ARHGEF33: variants seen among roughly 807,000 people sequenced by gnomAD.
ARHGEF33 encodes DH and coiled-coil domain-containing protein ENSP00000381780.
Under a neutral mutation model 101.9 loss-of-function variants are expected in ARHGEF33, and 72 were observed. The ratio of observed to expected loss-of-function variants is 0.71; its 90% CI spans 0.58 to 0.86. The LOEUF is 0.86. Ranked by LOEUF, ARHGEF33 falls within the 40% of genes least tolerant of loss-of-function variation. The pLI, the probability that ARHGEF33 is intolerant of heterozygous loss-of-function variation, is 0.00. For missense variants in ARHGEF33, 1,169 were observed against 1,111.3 expected (o/e 1.05, Z -0.74); for synonymous variants, 499 against 442.5 (o/e 1.13, Z -1.60).
chr2:38,912,571 A>G (rs1251808953), intron 2 of ARHGEF33, among the ~76,000 whole-genome samples: 1 of 152,224 alleles, frequency 6.6e-6, no homozygotes, highest in East Asian at 1.9e-4. Flanking sequence ...AATATGAAGA[A>G]AAAGGACTCT....
intron 2 of ARHGEF33, among the ~76,000 whole-genome samples, chr2:38,917,697 C>A (rs1666667617): frequency 6.6e-6 from 1 of 151,880 alleles, no homozygotes; most frequent in Admixed American, 6.6e-5. Context: ...GGCATAGTGG[C>A]ATCCACCTGT....
intron 9 of ARHGEF33, among the ~76,000 whole-genome samples, chr2:38,941,793 C>A (rs1480904067): frequency 6.6e-6 from 1 of 152,132 alleles, no homozygotes; most frequent in African/African-American, 2.4e-5. Flanking sequence ...GATCCGCCCA[C>A]CCCGGCCTCC....
chr2:38,959,755 G>A (rs11691022), intron 15 of ARHGEF33, 86 bp from the exon 16 acceptor site: 61,956 of 1,372,968 alleles, frequency 0.045, 1,635 homozygotes, highest in Non-Finnish European at 0.054. Flanking sequence ...GCCTCGGAGC[G>A]CGGCCCCGAG....
At chr2:38,934,492 C>CCTCCCTCCCTCCCCCTTCT (rs1667081024) in intron 7 of ARHGEF33, among the ~76,000 whole-genome samples, 1 of 88,192 alleles carries the variant, frequency 1.1e-5, no homozygotes, top group African/African-American at 4.8e-5. Flanking sequence ...TCTCTCCCTC[C>CCTCCCTCCCTCCCCCTTCT]CTCCATCCCT....
chr2:38,961,197 C>T (rs531724467), intron 16 of ARHGEF33, among the ~76,000 whole-genome samples: 2 of 152,320 alleles, frequency 1.3e-5, no homozygotes, highest in South Asian at 2.1e-4. Context: ...AAGGTAGACT[C>T]GCTGCGCAAT....
chr2:38,944,937 C>T (rs534935192), intron 10 of ARHGEF33, among the ~76,000 whole-genome samples: 10 of 151,016 alleles, frequency 6.6e-5, no homozygotes, highest in African/African-American at 1.7e-4. Context: ...TGTAACAGCA[C>T]GCTTTCCCAA....
chr2:38,963,023 CA>C (rs34417172), intron 16 of ARHGEF33, among the ~76,000 whole-genome samples: 78,975 of 101,958 alleles, frequency 0.77, 29,192 homozygotes, highest in African/African-American at 0.84. Flanking sequence ...GACTCTGTCT[CA>C]AAAAAAAAAA....
chr2:38,945,515 C>T lies in ARHGEF33; in HGVS notation c.920+1485C>T, dbSNP rs553128877. On this transcript the variant is annotated intron_variant, in intron 10 of 17. Transcript: ENST00000409978. ...CTGCCTAGATTCTCAGCCATCCTTC[C>T]TTCCCTATCTGGCCCTTCCAGTTCC... Among the ~76,000 whole-genome samples the T allele has an allele frequency of 2.4e-4, 36 of 152,388 alleles. No individual in the cohort carries two copies. The Middle Eastern group carries it at 0.01, about 43-fold the overall frequency.
At chr2:38,956,021 A>G (rs1043611886) in intron 13 of ARHGEF33, among the ~76,000 whole-genome samples, 2 of 152,226 alleles carry the variant, frequency 1.3e-5, no homozygotes, top group Admixed American at 1.3e-4. Flanking sequence ...ATTTTCTCAC[A>G]ATAATGATCT....
chr2:38,895,489 C>A (rs557616207), intron 1 of ARHGEF33, among the ~76,000 whole-genome samples: 1 of 152,118 alleles, frequency 6.6e-6, no homozygotes, highest in African/African-American at 2.4e-5. Flanking sequence ...AGTTCTCGAG[C>A]TATGTTTTTA....
rs554200497 is a variant in ARHGEF33, at chr2:38,951,044, G to A, written c.976G>A (p.Ala326Thr). The change falls in exon 11 of 18, where the codon GCA (alanine) becomes ACA (threonine). Residue 326 changes from alanine to threonine, a missense_variant. Transcript: ENST00000409978. Reference protein sequence around the residue: ...LVQQHLDLLHALQERVLKWPR... With the variant: ...LVQQHLDLLHTLQERVLKWPR... ...CCAGCAGCACCTGGATCTGCTTCACGCACTGCAGGAAAGGGTCCTGAAGTG... is the reference window on the plus strand; with the variant it reads ...CCAGCAGCACCTGGATCTGCTTCACACACTGCAGGAAAGGGTCCTGAAGTG... The A allele has an allele frequency of 1.4e-5, 22 of 1,552,076 alleles. No homozygotes were observed. Among genetic ancestry groups the A allele is most frequent in the East Asian group, 2.4e-5 (1 of 40,914 alleles).
At chr2:38,911,341 A>G (rs538253563) in intron 2 of ARHGEF33, among the ~76,000 whole-genome samples, 1 of 152,174 alleles carries the variant, frequency 6.6e-6, no homozygotes, top group East Asian at 1.9e-4. Flanking sequence ...AGAAATGTGC[A>G]CTAAAGACCC....
intron 17 of ARHGEF33, chr2:38,971,774 G>A: frequency 2.8e-6 from 2 of 715,970 alleles, no homozygotes; most frequent in South Asian, 1.5e-5. Context: ...TGGAGACATA[G>A]GGAAGGTACA....
At position 38,960,005 on chromosome 2, in the gene ARHGEF33, C is replaced by CGCT. The variant is rs1558444013; in HGVS notation, c.1702_1704dup (p.Leu568dup). Reference sequence around the variant, plus strand: ...TGCGCGGCCGAGCAGGACGTGAAGGCGCTGGCCGGGCCCCTGCAGGCCATC... The same window carrying CGCT: ...TGCGCGGCCGAGCAGGACGTGAAGGCGCTGCTGGCCGGGCCCCTGCAGGCCATC... On this transcript the variant is annotated inframe_insertion, in exon 16 of 18. Transcript: ENST00000409978. The CGCT allele has an allele frequency of 6.5e-7, 1 of 1,549,554 alleles. No homozygotes were observed. Among genetic ancestry groups the CGCT allele is most frequent in the African/African-American group, 1.4e-5 (1 of 73,134 alleles).
rs184205632 is a variant in ARHGEF33, at chr2:38,932,475, G to A, written c.505+1224G>A. ...TTTACCTATTTGCGTAATTCATTGA[G>A]AGACTGATAGGTGCAGCCTGGGAAA... On this transcript the variant is annotated intron_variant, in intron 7 of 17. Coordinates refer to ENST00000409978, the MANE Select transcript of ARHGEF33 (RefSeq NM_001145451.5). 9.2e-3 allele frequency among the ~76,000 whole-genome samples: 1,405 copies of A among 152,058 alleles called. 77 individuals carry two copies. Among genetic ancestry groups the A allele is most frequent in the Admixed American group, 0.081 (1,233 of 15,262 alleles).
In ARHGEF33 at chr2:38,975,176, C is replaced by T. The variant is rs1037671393; in HGVS notation, c.*1333C>T. 7.2e-5 allele frequency: 11 copies of T among 152,194 alleles called. No homozygotes were observed. Among genetic ancestry groups the T allele is most frequent in the African/African-American group, 2.4e-4 (10 of 41,460 alleles). The allele number at this position is 152,194 out of a possible 1,614,324, so 9.4% of individuals were successfully genotyped here. On this transcript the variant is annotated 3_prime_UTR_variant, in exon 18 of 18. Transcript: ENST00000409978. ...ACATGTAAGTGTTGCAAGTTTTCTT[C>T]TCCTTGTCTGATGACAAATTAGGAA...
At chr2:38,954,234 G>A (rs1667684939) in intron 12 of ARHGEF33, 139 bp from the exon 13 acceptor site, 2 of 625,930 alleles carry the variant, frequency 3.2e-6, no homozygotes, top group Non-Finnish European at 5.7e-6. Flanking sequence ...TCTCCTATGA[G>A]ACAGCAATGC....
At position 38,958,086 on chromosome 2, in the gene ARHGEF33, G is replaced by GGGCAAGAT; in HGVS notation, c.1425_1432dup (p.Ala478GlyfsTer40). 1 of 1,552,184 alleles carries GGGCAAGAT rather than the reference G, an allele frequency of 6.4e-7. No individual in the cohort carries two copies. Among genetic ancestry groups the GGGCAAGAT allele is most frequent in the Non-Finnish European group, 8.7e-7 (1 of 1,147,132 alleles). The stretch of plus-strand genomic sequence containing the variant: ...GCTGGCTTCCCAGTGTGCCAATGCT[G>GGGCAAGAT]GGCAAGATGCTTCCCCCACTGCAGG... On this transcript the variant is annotated frameshift_variant, in exon 15 of 18. Transcript: ENST00000409978. LOFTEE classifies it high-confidence loss of function.
chr2:38,921,791 A>G (rs1398710126), intron 4 of ARHGEF33, among the ~76,000 whole-genome samples: 5 of 151,674 alleles, frequency 3.3e-5, no homozygotes, highest in Non-Finnish European at 5.9e-5. Context: ...GCCCACCTCA[A>G]CTCTGCTTCT....
Sources: allele counts gnomAD v4.1 joint callset (sites outside exome capture counted in the v4.1 genomes callset), GRCh38; gene constraint gnomAD v4.1.1; transcripts MANE v1.5; gene names NCBI Gene and HGNC (gene_info 2026-07-23, HGNC 2026-07-21).